SLC51A: variants seen among roughly 807,000 people sequenced by gnomAD.
SLC51A encodes the protein solute carrier family 51 member A, also known as organic solute transporter subunit alpha.
SLC51A carries 22 observed loss-of-function variants against 34.8 expected under a neutral mutation model. The observed-to-expected ratio is 0.63, with a 90% CI of 0.45 to 0.90. The LOEUF is 0.90. Ranked by LOEUF, SLC51A falls within the 40% of genes least tolerant of loss-of-function variation. The pLI is 0.00. For synonymous variants in SLC51A, 181 were observed against 176.3 expected (o/e 1.03, Z -0.21); for missense variants, 371 against 414.8 (o/e 0.89, Z 0.92).
At chr3:196,226,773 T>TAAAAAAAAAAAAAAAAAAAA (rs780868037) in intron 2 of SLC51A, among the ~76,000 whole-genome samples, 192 bp from the exon 3 acceptor site, 17 of 107,536 alleles carry the variant, frequency 1.6e-4, no homozygotes, top group East Asian at 8.5e-4. Context: ...GGCTCCGTCT[T>TAAAAAAAAAAAAAAAAAAAA]AAAAAAAAAA....
At chr3:196,226,903 A>G (rs1320585577) in intron 2 of SLC51A, 62 bp from the exon 3 acceptor site, 2 of 1,511,358 alleles carry the variant, frequency 1.3e-6, no homozygotes, top group Non-Finnish European at 1.8e-6. Flanking sequence ...GATCCGAGGA[A>G]CAAGCCCAGG....
chr3:196,224,014 A>G, intron 2 of SLC51A: 1 of 294,212 alleles, frequency 3.4e-6, no homozygotes. Context: ...ACTCGCCACC[A>G]TGCCTGGCTA....
Position 196,217,919 on chromosome 3 carries a change from C to A in SLC51A, c.116C>A (p.Ala39Glu). Residue 39 changes from alanine to glutamate, a missense_variant, in exon 2 of 9, where the codon GCA becomes GAA. By Grantham distance (107) the Ala-to-Glu change is moderately radical (BLOSUM62 -1). Coordinates refer to ENST00000296327, the MANE Select transcript of SLC51A (RefSeq NM_152672.6). ...GCCTGCTTCTCTCAGCCTCCCACAG[C>A]AGCCCAACTCCTGAGAGGTGAGTGG... ...PSACFSQPPT[A>E]AQLLRALGPV... 1.9e-6 allele frequency: 3 copies of A among 1,612,970 alleles called. No homozygotes were observed. Among genetic ancestry groups the A allele is most frequent in the Non-Finnish European group, 2.5e-6 (3 of 1,179,524 alleles).
In SLC51A at chr3:196,216,819, C is replaced by T. The variant is rs917669526; in HGVS notation, c.38+69C>T. ...TGGCCCCTATCCCGCGGCCTGTCCT[C>T]TCTCCCTCCCAGAGCCCTTTGGCGG... On this transcript the variant is annotated intron_variant, in intron 1 of 8. Coordinates refer to ENST00000296327, the MANE Select transcript of SLC51A (RefSeq NM_152672.6). The surrounding 1 kb of genome is among the most constrained non-coding windows in gnomAD (Gnocchi z 4.5). The T allele has an allele frequency of 1.6e-5, 24 of 1,463,634 alleles. No homozygotes were observed. Among genetic ancestry groups the T allele is most frequent in the South Asian group, 2.5e-5 (2 of 79,036 alleles). 90.7% of individuals were successfully genotyped at this position (1,463,634 alleles called of 1,614,324 possible).
Position 196,229,499 on chromosome 3 carries a change from T to A in SLC51A, c.634-416T>A, listed in dbSNP as rs1343173966. On this transcript the variant is annotated intron_variant, in intron 6 of 8. Transcript: ENST00000296327. ...TTTAAGTGATTCTCCTACCTCAGCC[T>A]CCTGAGTAGCTGGGATTACAGGCAT... Among the ~76,000 whole-genome samples the A allele has an allele frequency of 2.0e-5, 3 of 150,340 alleles. No homozygotes were observed. The East Asian group carries it at 6.1e-4, about 30-fold the overall frequency.
intron 2 of SLC51A, among the ~76,000 whole-genome samples, chr3:196,221,850 G>C (rs866553350): frequency 6.6e-6 from 1 of 151,974 alleles, no homozygotes; most frequent in East Asian, 1.9e-4. Context: ...CGAGTAGCTG[G>C]GACTACAGGC....
intron 3 of SLC51A, 51 bp from the exon 4 acceptor site, chr3:196,227,613 A>G: frequency 6.4e-7 from 1 of 1,551,746 alleles, no homozygotes; most frequent in Middle Eastern, 1.7e-4. Context: ...AGGCTTCCGG[A>G]GCCTCAGGGT....
intron 7 of SLC51A, among the ~76,000 whole-genome samples, chr3:196,231,281 T>A (rs1724023604): frequency 6.6e-6 from 1 of 152,232 alleles, no homozygotes; most frequent in Admixed American, 6.5e-5. Context: ...CTGCCCTTCA[T>A]CTTCACAACG....
rs1168019678 is a variant in SLC51A at position 196,221,720 on chromosome 3, T to G, written c.133+3784T>G. 2.9e-5 allele frequency among the ~76,000 whole-genome samples: 4 copies of G among 138,214 alleles called. 1 individual carries two copies. The highest frequency in any genetic ancestry group is 7.1e-5 in the Admixed American group (1 of 14,148). The allele number at this position is 138,214 out of a possible 152,430, so 90.7% of individuals were successfully genotyped here. A position where few individuals can be genotyped will look rare whatever the true frequency, so the allele number is the denominator to read the frequency against. ...TTTGTTTGTTTGGTTTGGTTTTTTG[T>G]TTTTTTTTTTTAAGAGACAGAGTCT... On this transcript the variant is annotated intron_variant, in intron 2 of 8. Transcript: ENST00000296327.
intron 2 of SLC51A, 42 bp from the exon 3 acceptor site, chr3:196,226,923 G>A (rs764556357): frequency 1.2e-5 from 19 of 1,571,352 alleles, no homozygotes; most frequent in Admixed American, 1.8e-5. Context: ...GCCTTCTCCC[G>A]CTCAGTCCCG....
rs1723956676 is a variant in SLC51A at position 196,228,738 on chromosome 3, T to G, written c.522-71T>G. Reference sequence around the variant, plus strand: ...GCCGAGCCTCAGCCCAGGAGCCCTGTGAGGAGCCGGGGCGTCTTCCTGGGG... The same window carrying G: ...GCCGAGCCTCAGCCCAGGAGCCCTGGGAGGAGCCGGGGCGTCTTCCTGGGG... On this transcript the variant is annotated intron_variant, in intron 5 of 8. Coordinates refer to ENST00000296327, the MANE Select transcript of SLC51A (RefSeq NM_152672.6). This position sits in a 1 kb window ranked among gnomAD's most constrained non-coding sequence, Gnocchi z 4.9. 7.7e-7 allele frequency: 1 copy of G among 1,299,326 alleles called. No homozygotes were observed. Among genetic ancestry groups the G allele is most frequent in the Non-Finnish European group, 1.1e-6 (1 of 894,448 alleles). The allele number at this position is 1,299,326 out of a possible 1,614,324, so 80.5% of individuals were successfully genotyped here. A position where few individuals can be genotyped will look rare whatever the true frequency, so the allele number is the denominator to read the frequency against.
At chr3:196,221,082 G>A (rs1234115276) in intron 2 of SLC51A, among the ~76,000 whole-genome samples, 3 of 151,134 alleles carry the variant, frequency 2.0e-5, no homozygotes, top group South Asian at 2.1e-4. Context: ...TTGTAGAGGT[G>A]GAGTTTCTCC....
At chr3:196,226,914 C>T (rs762518706) in intron 2 of SLC51A, 51 bp from the exon 3 acceptor site, 19 of 1,546,218 alleles carry the variant, frequency 1.2e-5, no homozygotes, top group South Asian at 2.5e-5. Context: ...CAAGCCCAGG[C>T]CTTCTCCCGC....
At chr3:196,230,510 AT>A (rs372727578) in intron 7 of SLC51A, among the ~76,000 whole-genome samples, 39,741 of 134,862 alleles carry the variant, frequency 0.29, 5,523 homozygotes, top group East Asian at 0.64. Flanking sequence ...TGTGTCTTCT[AT>A]TTTTTTTTTT....
chr3:196,228,833 G>C lies in SLC51A; in HGVS notation c.546G>C (p.Leu182Phe), dbSNP rs747727220. 7 of 1,614,114 alleles carry C rather than the reference G, an allele frequency of 4.3e-6. No individual in the cohort carries two copies. In the South Asian group the frequency reaches 5.5e-5, roughly 13 times the overall value. ...GGAAGAAGCTTCAGCTGCTGATGTT[G>C]GGCCCTTTCCAATACGCCTTCTTGA... The part of the protein sequence containing the change: ...LTRKKLQLLM[L>F]GPFQYAFLKI... Residue 182 changes from leucine (L) to phenylalanine (F), a missense_variant, in exon 6 of 9, where the codon TTG becomes TTC. Leu to Phe is a conservative substitution (Grantham distance 22, BLOSUM62 0). Coordinates refer to ENST00000296327, the MANE Select transcript of SLC51A (RefSeq NM_152672.6). This position sits in a 1 kb window ranked among gnomAD's most constrained non-coding sequence, Gnocchi z 4.9.
At chr3:196,232,623 C>CT (rs1724052258) in intron 8 of SLC51A, 99 bp downstream of exon 8, 2 of 872,058 alleles carry the variant, frequency 2.3e-6, no homozygotes, top group African/African-American at 1.7e-5. Flanking sequence ...AGCCTGACTT[C>CT]TGCTCAGAGT....
intron 6 of SLC51A, among the ~76,000 whole-genome samples, chr3:196,229,674 G>C (rs1723984258): frequency 7.9e-6 from 1 of 125,896 alleles, no homozygotes; most frequent in Non-Finnish European, 1.7e-5. Flanking sequence ...ACCACGCCTG[G>C]CCCATCTCTA....
chr3:196,217,663 GAGAGAA>G (rs1262168796), intron 1 of SLC51A, among the ~76,000 whole-genome samples, 173 bp from the exon 2 acceptor site: 7 of 151,614 alleles, frequency 4.6e-5, no homozygotes, highest in South Asian at 2.1e-4. Flanking sequence ...GGGGAAGGGA[GAGAGAA>G]AGAGAAAGAG....
In SLC51A at chr3:196,216,709, G is replaced by A. The variant is rs557347833; in HGVS notation, c.-4G>A. The stretch of plus-strand genomic sequence containing the variant: ...CCTGCGGGATTGCTGGAGAGAACGC[G>A]GCGATGGAGCCGGGCAGGACCCAGA... On this transcript the variant is annotated 5_prime_UTR_variant, in exon 1 of 9. Coordinates refer to ENST00000296327, the MANE Select transcript of SLC51A (RefSeq NM_152672.6). The surrounding 1 kb of genome is among the most constrained non-coding windows in gnomAD (Gnocchi z 4.5). 2.7e-5 allele frequency: 43 copies of A among 1,569,586 alleles called. No individual in the cohort carries two copies. The South Asian group carries it at 3.2e-4, about 12-fold the overall frequency.
Sources: gnomAD v4.1 joint callset for allele counts (sites outside exome capture counted in the v4.1 genomes callset) on GRCh38, gnomAD v4.1.1 for gene constraint, Gnocchi (gnomAD v3.1) non-coding constraint, MANE v1.5 for transcripts, NCBI Gene and HGNC (gene_info 2026-07-23, HGNC 2026-07-21) for gene names.